Variants in LRPPRC observed in about 807,000 individuals in gnomAD.
The protein encoded by LRPPRC is leucine-rich PPR motif-containing protein, mitochondrial.
In LRPPRC, 120 loss-of-function variants were observed where a neutral mutation model predicts 180.3. That is an observed-to-expected ratio of 0.67 (90% CI 0.57 to 0.77). LRPPRC has a LOEUF of 0.77. LRPPRC is among the 30% of genes least tolerant of loss of function. The pLI, the probability that LRPPRC is intolerant of heterozygous loss-of-function variation, is 0.00. For synonymous variants in LRPPRC, 723 were observed against 600.0 expected (o/e 1.21, Z -3.00); for missense variants, 2,012 against 1,657.2 (o/e 1.21, Z -3.72).
intron 1 of LRPPRC, among the ~76,000 whole-genome samples, chr2:43,991,534 T>A (rs1674781573): frequency 6.6e-6 from 1 of 152,096 alleles, no homozygotes; most frequent in Admixed American, 6.5e-5. Context: ...AGTATACAAG[T>A]ATTATGCTAA....
At chr2:43,992,845 C>T (rs1469228346) in intron 1 of LRPPRC, among the ~76,000 whole-genome samples, 2 of 152,014 alleles carry the variant, frequency 1.3e-5, no homozygotes, top group Non-Finnish European at 2.9e-5. Context: ...TCTGAAGTAC[C>T]TATAGTTCAA....
chr2:43,951,055 G>T (rs1672884640), intron 14 of LRPPRC, among the ~76,000 whole-genome samples: 1 of 152,204 alleles, frequency 6.6e-6, no homozygotes, highest in African/African-American at 2.4e-5. Context: ...GGGAGACACA[G>T]TGAGTCTCAA....
intron 11 of LRPPRC, among the ~76,000 whole-genome samples, chr2:43,966,155 C>T (rs1673547351): frequency 6.6e-6 from 1 of 151,462 alleles, no homozygotes; most frequent in African/African-American, 2.4e-5. Flanking sequence ...TCATTTACAA[C>T]AACATGAATG....
At chr2:43,974,590 G>T (rs762588191) in intron 8 of LRPPRC, 24 bp downstream of exon 8, 1 of 1,436,038 alleles carries the variant, frequency 7.0e-7, no homozygotes, top group Non-Finnish European at 9.7e-7. Context: ...TAAAAATCAT[G>T]TAAATAGATT....
intron 11 of LRPPRC, among the ~76,000 whole-genome samples, chr2:43,966,372 A>G (rs535178649): frequency 6.6e-6 from 1 of 152,012 alleles, no homozygotes; most frequent in Non-Finnish European, 1.5e-5. Flanking sequence ...AGAATACTTG[A>G]TATTTGCTGA....
chr2:43,987,312 G>T (rs927946483), intron 1 of LRPPRC, among the ~76,000 whole-genome samples: 3 of 151,864 alleles, frequency 2.0e-5, no homozygotes, highest in Non-Finnish European at 4.4e-5. Flanking sequence ...TGGCTAACAA[G>T]GCGAAACCCC....
intron 11 of LRPPRC, among the ~76,000 whole-genome samples, chr2:43,968,915 TG>T (rs1481016803): frequency 6.6e-6 from 1 of 152,210 alleles, no homozygotes; most frequent in African/African-American, 2.4e-5. Flanking sequence ...TGGTTAACTA[TG>T]GGTGTTGAAG....
intron 1 of LRPPRC, among the ~76,000 whole-genome samples, chr2:43,994,516 G>C (rs1434673996): frequency 6.6e-6 from 1 of 152,190 alleles, no homozygotes; most frequent in East Asian, 1.9e-4. Context: ...TAAGGAAGCT[G>C]AGGCCTGGAG....
chr2:43,893,146 A>C (rs144088157), intron 36 of LRPPRC, among the ~76,000 whole-genome samples: 1 of 152,218 alleles, frequency 6.6e-6, no homozygotes, highest in Non-Finnish European at 1.5e-5. Context: ...ACATGAGGAG[A>C]AGCTGTTTCC....
chr2:43,949,995 C>T lies in LRPPRC; in HGVS notation c.1678-336G>A, dbSNP rs186838341. The stretch of plus-strand genomic sequence containing the variant: ...GAAAAGAGCTTATAGGAATTATTGA[C>T]CAATATTATTCCTCATTATATTGCT... On this transcript the variant is annotated intron_variant, in intron 15 of 37. Coordinates refer to ENST00000260665, the MANE Select transcript of LRPPRC (RefSeq NM_133259.4). Among the ~76,000 whole-genome samples the T allele has an allele frequency of 2.6e-5, 4 of 152,224 alleles. No homozygotes were observed. In the East Asian group the frequency reaches 7.7e-4, roughly 29 times the overall value.
At chr2:43,926,984 G>A (rs905660173) in intron 25 of LRPPRC, among the ~76,000 whole-genome samples, 1 of 152,120 alleles carries the variant, frequency 6.6e-6, no homozygotes, top group South Asian at 2.1e-4. Flanking sequence ...AATTACTATC[G>A]TTTGGTCAAT....
intron 28 of LRPPRC, 25 bp from the exon 29 acceptor site, chr2:43,918,158 A>G: frequency 6.2e-7 from 1 of 1,602,380 alleles, no homozygotes; most frequent in Non-Finnish European, 8.6e-7. Context: ...TATTCTGTTA[A>G]ATAAAAACTG....
intron 2 of LRPPRC, among the ~76,000 whole-genome samples, chr2:43,980,659 A>G (rs2103739028): frequency 6.6e-6 from 1 of 152,246 alleles, no homozygotes; most frequent in African/African-American, 2.4e-5. Context: ...AGTTAGGTTC[A>G]TAATCAGCTA....
At position 43,894,538 on chromosome 2, in the gene LRPPRC, A is replaced by G. The variant is rs1309695689; in HGVS notation, c.3985+7T>C. 1.5e-6 allele frequency: 2 copies of G among 1,312,958 alleles called. No homozygotes were observed. Among genetic ancestry groups the G allele is most frequent in the Non-Finnish European group, 2.2e-6 (2 of 906,144 alleles). The allele number at this position is 1,312,958 out of a possible 1,614,324, so 81.3% of individuals were successfully genotyped here. The stretch of plus-strand genomic sequence containing the variant: ...TAAATAATATAGTCAAATTAAACTT[A>G]TATTACCATAGCTTTTCATGAGGGA... On this transcript the variant is annotated splice_region_variant and intron_variant, in intron 36 of 37. Transcript: ENST00000260665.
intron 1 of LRPPRC, among the ~76,000 whole-genome samples, chr2:43,990,520 T>C (rs1016392713): frequency 3.9e-5 from 6 of 152,178 alleles, no homozygotes; most frequent in African/African-American, 1.4e-4. Context: ...GCAATCTTGG[T>C]AGCCTCAAGA....
At chr2:43,982,136 G>T in intron 2 of LRPPRC, 102 bp downstream of exon 2, 1 of 735,944 alleles carries the variant, frequency 1.4e-6, no homozygotes, top group Non-Finnish European at 2.2e-6. Context: ...TCGAACACTT[G>T]GCCTCAAGCG....
rs377145600 is a variant in LRPPRC, at chr2:43,901,540, A to G, written c.3365-16T>C. ...GTCACAGCCTCTAAAATACAAGAGC[A>G]GGAGATGGCTTTTCTTATATGACCT... On this transcript the variant is annotated splice_polypyrimidine_tract_variant and intron_variant, in intron 31 of 37. Coordinates refer to ENST00000260665, the MANE Select transcript of LRPPRC (RefSeq NM_133259.4). 2.7e-5 allele frequency: 42 copies of G among 1,554,048 alleles called. No individual in the cohort carries two copies. The African/African-American group carries it at 5.0e-4, about 19-fold the overall frequency.
intron 11 of LRPPRC, among the ~76,000 whole-genome samples, chr2:43,967,028 G>A (rs184005011): frequency 5.3e-5 from 8 of 152,042 alleles, no homozygotes; most frequent in Admixed American, 1.3e-4. Flanking sequence ...TCCAGCCTGG[G>A]TGACAGAGCC....
intron 2 of LRPPRC, among the ~76,000 whole-genome samples, chr2:43,981,052 C>T (rs1197872007): frequency 6.6e-6 from 1 of 152,032 alleles, no homozygotes; most frequent in Non-Finnish European, 1.5e-5. Context: ...CACGAATAGG[C>T]TTTAGGAAGC....
Sources: allele counts gnomAD v4.1 joint callset (sites outside exome capture counted in the v4.1 genomes callset), GRCh38; gene constraint gnomAD v4.1.1; transcripts MANE v1.5; gene names NCBI Gene and HGNC (gene_info 2026-07-23, HGNC 2026-07-21).